The following SANBR variants were observed in gnomAD, a reference collection of about 807,000 sequenced individuals.
The protein encoded by SANBR is SANT and BTB domain regulator of class switch recombination.
Under a neutral mutation model 101.8 loss-of-function variants are expected in SANBR, and 77 were observed. That is an observed-to-expected ratio of 0.76 (90% CI 0.63 to 0.91). The LOEUF (loss-of-function observed/expected upper bound fraction) is 0.91. Among genes scored for constraint, SANBR ranks in the 40% least tolerant of loss-of-function variants. The probability of loss-of-function intolerance (pLI) is 0.00; values close to 1 mark genes in which losing one functional copy is unlikely to be tolerated. For synonymous variants in SANBR, 279 were observed against 274.7 expected (o/e 1.02, Z -0.15); for missense variants, 875 against 853.0 (o/e 1.03, Z -0.32).
At chr2:61,084,845 C>T (rs910390580) in intron 8 of SANBR, among the ~76,000 whole-genome samples, 3 of 151,958 alleles carry the variant, frequency 2.0e-5, no homozygotes, top group African/African-American at 4.8e-5. Context: ...AGGGTAGAAA[C>T]GGTAGAGCTG....
chr2:61,066,627 T>TGACC (rs994127218), intron 1 of SANBR, among the ~76,000 whole-genome samples: 2 of 152,268 alleles, frequency 1.3e-5, no homozygotes, highest in African/African-American at 4.8e-5. Context: ...CAGAGGCCTT[T>TGACC]GACCTGCCTG....
intron 20 of SANBR, among the ~76,000 whole-genome samples, chr2:61,119,407 A>C (rs1684230679): frequency 6.6e-6 from 1 of 152,228 alleles, no homozygotes; most frequent in South Asian, 2.1e-4. Flanking sequence ...TCTACTTTTC[A>C]AAAGACACTA....
At chr2:61,088,088 A>C (rs901649523) in intron 8 of SANBR, 71 bp from the exon 9 acceptor site, 1 of 762,130 alleles carries the variant, frequency 1.3e-6, no homozygotes, top group African/African-American at 1.8e-5. Context: ...AAATGCACAG[A>C]TTGGTTTGTT....
chr2:61,095,204 T>C (rs1682974559), intron 11 of SANBR, among the ~76,000 whole-genome samples: 1 of 152,204 alleles, frequency 6.6e-6, no homozygotes, highest in African/African-American at 2.4e-5. Context: ...AAAATCTGAC[T>C]TGCTTAACAT....
At position 61,083,247 on chromosome 2, in the gene SANBR, C is replaced by G; in HGVS notation, c.823C>G (p.Arg275Gly). The G allele has an allele frequency of 1.2e-6, 2 of 1,609,556 alleles. No homozygotes were observed. The highest frequency in any genetic ancestry group is 1.7e-6 in the Non-Finnish European group (2 of 1,176,054). The stretch of plus-strand genomic sequence containing the variant: ...CTGTATTAATGCAAATCTTCTCACA[C>G]GTATAGCTGATCTGTTCTCACACAA... ...MNCINANLLTRIADLFSHNEV... is the reference protein window; with the variant it reads ...MNCINANLLTGIADLFSHNEV... Residue 275 changes from arginine to glycine, a missense_variant, in exon 8 of 22, where the codon CGT becomes GGT. Arg to Gly is a moderately radical substitution (Grantham distance 125). Transcript: ENST00000402291.
At chr2:61,121,702 C>G (rs1411622793) in intron 21 of SANBR, 1 of 172,630 alleles carries the variant, frequency 5.8e-6, no homozygotes, top group African/African-American at 2.4e-5. Flanking sequence ...CACAAATTTT[C>G]TGTTAGAGAT....
At chr2:61,097,349 T>C (rs1328338446) in intron 11 of SANBR, among the ~76,000 whole-genome samples, 3 of 152,218 alleles carry the variant, frequency 2.0e-5, no homozygotes. Context: ...CCATAAAATT[T>C]ACTCATTTTA....
chr2:61,112,713 C>T (rs1159473465), intron 16 of SANBR, among the ~76,000 whole-genome samples: 3 of 152,162 alleles, frequency 2.0e-5, no homozygotes, highest in Non-Finnish European at 2.9e-5. Context: ...GAGCTGGTCT[C>T]GAACTCCTGA....
At chr2:61,130,434 C>T (rs978916726) in intron 20 of SANBR, among the ~76,000 whole-genome samples, 1 of 152,086 alleles carries the variant, frequency 6.6e-6, no homozygotes, top group African/African-American at 2.4e-5. Context: ...AAGAAAAGCC[C>T]AGACATCACT....
intron 3 of SANBR, among the ~76,000 whole-genome samples, chr2:61,070,877 G>C (rs1681428925): frequency 6.6e-6 from 1 of 151,418 alleles, no homozygotes; most frequent in African/African-American, 2.4e-5. Context: ...AAGCTTAAGT[G>C]ATCTTCCCAC....
At chr2:61,089,189 A>G (rs1441109683) in intron 10 of SANBR, 5 of 985,120 alleles carry the variant, frequency 5.1e-6, no homozygotes, top group African/African-American at 1.7e-5. Flanking sequence ...TCTGTCATCT[A>G]TTTGTTCTTC....
rs1004452191 is a variant in SANBR, at chr2:61,122,420, A to G, written c.*258A>G. 46 of 1,190,620 alleles carry G rather than the reference A, an allele frequency of 3.9e-5. No individual in the cohort carries two copies. The Admixed American group carries it at 1.2e-3, about 30-fold the overall frequency. 73.8% of individuals were successfully genotyped at this position (1,190,620 alleles called of 1,614,324 possible). On this transcript the variant is annotated 3_prime_UTR_variant, in exon 22 of 22. Transcript: ENST00000402291. ...AGAAAGCAATTATTTACAAATTTGC[A>G]TAGTTGAGACTCCCAGTGTTTTCCT... is the stretch of plus-strand genomic sequence containing the variant.
intron 6 of SANBR, among the ~76,000 whole-genome samples, chr2:61,079,719 A>G (rs902298894): frequency 8.5e-5 from 13 of 152,194 alleles, no homozygotes; most frequent in African/African-American, 2.9e-4. Context: ...CCTGGCCAAC[A>G]TGGTGAAACC....
chr2:61,097,935 T>C (rs1021554016), intron 12 of SANBR, 83 bp downstream of exon 12: 1 of 1,106,746 alleles, frequency 9.0e-7, no homozygotes, highest in African/African-American at 1.6e-5. Context: ...CTTCAAACAA[T>C]ACATAAATAT....
In SANBR at chr2:61,083,181, A is replaced by G; in HGVS notation, c.757A>G (p.Lys253Glu). The G allele has an allele frequency of 6.2e-7, 1 of 1,612,584 alleles. No homozygotes were observed. Among genetic ancestry groups the G allele is most frequent in the Non-Finnish European group, 8.5e-7 (1 of 1,178,986 alleles). Residue 253 changes from lysine (K) to glutamate (E), a missense_variant, in exon 8 of 22, where the codon AAA becomes GAA. Lys to Glu is a moderately conservative substitution (Grantham distance 56). Coordinates refer to ENST00000402291, the MANE Select transcript of SANBR (RefSeq NM_001129993.3). ...LVEQCIQYCH[K>E]NMNAIVATPC... is the part of the protein sequence containing the mutation. The stretch of plus-strand genomic sequence containing the variant: ...TGAACAGTGTATTCAGTATTGCCAC[A>G]AAAATATGAATGCCATAGTAGCTAC...
At position 61,122,574 on chromosome 2, in the gene SANBR, T is replaced by C. The variant is rs1684377266; in HGVS notation, c.*412T>C. 3.0e-6 allele frequency: 3 copies of C among 989,922 alleles called. No homozygotes were observed. The South Asian group carries it at 1.4e-4, about 46-fold the overall frequency. The allele number at this position is 989,922 out of a possible 1,614,324, so 61.3% of individuals were successfully genotyped here. ...TGATTGTAGTATGTCTTTGGAGCTG[T>C]AAATCTTGAGATAGCATTGAGAACT... On this transcript the variant is annotated 3_prime_UTR_variant, in exon 22 of 22. Coordinates refer to ENST00000402291, the MANE Select transcript of SANBR (RefSeq NM_001129993.3).
Position 61,118,094 on chromosome 2 carries a change from T to G in SANBR, c.2006T>G (p.Val669Gly). ...ATGAGATTGGGGGATCTGGACCGAG[T>G]CAAGTCAAAGGAAGCAAAAGAAGTA... Reference protein sequence around the residue: ...IKMRLGDLDRVKSKEAKEFAG... With the variant: ...IKMRLGDLDRGKSKEAKEFAG... Residue 669 changes from valine (V) to glycine (G), a missense_variant, in exon 20 of 22, where the codon GTC (valine) becomes GGC (glycine). Val to Gly is a moderately radical substitution (Grantham distance 109). Transcript: ENST00000402291. 1 of 1,613,078 alleles carries G rather than the reference T, an allele frequency of 6.2e-7. No homozygotes were observed. Among genetic ancestry groups the G allele is most frequent in the Non-Finnish European group, 8.5e-7 (1 of 1,179,430 alleles).
chr2:61,084,798 G>A (rs1359266799), intron 8 of SANBR, among the ~76,000 whole-genome samples: 1 of 152,148 alleles, frequency 6.6e-6, no homozygotes, highest in Non-Finnish European at 1.5e-5. Context: ...TAAGAGGCTG[G>A]TGCAGTAGTC....
chr2:61,073,598 C>A, intron 5 of SANBR, 47 bp downstream of exon 5: 1 of 1,064,842 alleles, frequency 9.4e-7, no homozygotes, highest in Non-Finnish European at 1.4e-6. Context: ...TTAATATCAA[C>A]TTCATAAAAT....
Sources: allele counts gnomAD v4.1 joint callset (sites outside exome capture counted in the v4.1 genomes callset), GRCh38; gene constraint gnomAD v4.1.1; transcripts MANE v1.5; gene names NCBI Gene and HGNC (gene_info 2026-07-23, HGNC 2026-07-21).